The following ACVR2A variants were observed in gnomAD, a reference collection of about 807,000 sequenced individuals.
ACVR2A encodes the protein activin A receptor type 2A.
In ACVR2A, 7 loss-of-function variants were observed where a neutral mutation model predicts 61.4. That is an observed-to-expected ratio of 0.11 (90% CI 0.06 to 0.21). The LOEUF (loss-of-function observed/expected upper bound fraction) is 0.21. Ranked by LOEUF, ACVR2A falls within the 10% of genes least tolerant of loss-of-function variation. ACVR2A has a pLI of 1.00. For missense variants in ACVR2A, 322 were observed against 621.7 expected (o/e 0.52, Z 5.13); for synonymous variants, 193 against 208.3 (o/e 0.93, Z 0.63).
chr2:147,910,742 C>G (rs1479935782), intron 4 of ACVR2A, among the ~76,000 whole-genome samples: 1 of 152,022 alleles, frequency 6.6e-6, no homozygotes, highest in Non-Finnish European at 1.5e-5. Flanking sequence ...AATGAAAATC[C>G]TGTTCTCTAT....
intron 1 of ACVR2A, 141 bp downstream of exon 1, chr2:147,845,348 G>GCCCCC (rs557975990): frequency 4.0e-4 from 108 of 271,982 alleles, no homozygotes; most frequent in African/African-American, 6.7e-4. Context: ...GGCTGCCACC[G>GCCCCC]CCCCCCCCCC....
At chr2:147,856,612 A>G (rs896909783) in intron 1 of ACVR2A, among the ~76,000 whole-genome samples, 1 of 152,180 alleles carries the variant, frequency 6.6e-6, no homozygotes, top group Non-Finnish European at 1.5e-5. Flanking sequence ...TGAACTTGTA[A>G]TAATTACTAA....
chr2:147,896,780 C>A, intron 2 of ACVR2A: 3 of 272,674 alleles, frequency 1.1e-5, no homozygotes, highest in Non-Finnish European at 2.1e-5. Context: ...AATATTGTTA[C>A]GATTATAAAC....
intron 1 of ACVR2A, among the ~76,000 whole-genome samples, chr2:147,870,391 G>C (rs1392008418): frequency 6.6e-6 from 1 of 151,924 alleles, no homozygotes; most frequent in African/African-American, 2.4e-5. Flanking sequence ...TAGTCTTTGG[G>C]TGAAGTATAC....
intron 5 of ACVR2A, among the ~76,000 whole-genome samples, chr2:147,917,072 C>T (rs1477989629): frequency 3.3e-5 from 5 of 151,848 alleles, no homozygotes; most frequent in East Asian, 1.9e-4. Context: ...CAGAAAAGTA[C>T]GTTTTGAGGG....
intron 1 of ACVR2A, among the ~76,000 whole-genome samples, chr2:147,850,177 C>G (rs1685409609): frequency 6.6e-6 from 1 of 152,080 alleles, no homozygotes. Flanking sequence ...CCTTCTTTGT[C>G]TACTCCCTTT....
chr2:147,911,141 T>G (rs1573702350), intron 4 of ACVR2A, among the ~76,000 whole-genome samples: 1 of 152,106 alleles, frequency 6.6e-6, no homozygotes, highest in Non-Finnish European at 1.5e-5. Flanking sequence ...TGCCCTCTAG[T>G]GTCGAGAAGG....
intron 1 of ACVR2A, among the ~76,000 whole-genome samples, chr2:147,874,294 A>C (rs985855696): frequency 6.6e-6 from 1 of 151,930 alleles, no homozygotes; most frequent in South Asian, 2.1e-4. Flanking sequence ...AGAAACACCT[A>C]CTTCATAGAA....
At chr2:147,921,286 C>T (rs1366656763) in intron 8 of ACVR2A, among the ~76,000 whole-genome samples, 3 of 152,084 alleles carry the variant, frequency 2.0e-5, no homozygotes, top group Non-Finnish European at 4.4e-5. Flanking sequence ...CCTCCCACCT[C>T]GGCCTCCCAA....
intron 4 of ACVR2A, among the ~76,000 whole-genome samples, chr2:147,906,471 G>A (rs1024675103): frequency 2.0e-5 from 3 of 152,130 alleles, no homozygotes; most frequent in Non-Finnish European, 1.5e-5. Flanking sequence ...AGTGTAAGAA[G>A]TGAGTTGCTT....
chr2:147,868,962 A>G (rs1685944515), intron 1 of ACVR2A, among the ~76,000 whole-genome samples: 2 of 151,902 alleles, frequency 1.3e-5, no homozygotes, highest in Non-Finnish European at 1.5e-5. Flanking sequence ...CTTCCTAAAG[A>G]TAAGATGTTT....
At chr2:147,902,208 AAGCT>A (rs1686886657) in intron 4 of ACVR2A, among the ~76,000 whole-genome samples, 1 of 152,102 alleles carries the variant, frequency 6.6e-6, no homozygotes, top group Admixed American at 6.6e-5. Flanking sequence ...TGTTTTTAAT[AAGCT>A]TCCCAGGCGA....
intron 1 of ACVR2A, among the ~76,000 whole-genome samples, chr2:147,853,865 TATTTCA>T (rs1330971632): frequency 6.6e-6 from 1 of 152,106 alleles, no homozygotes; most frequent in Admixed American, 6.5e-5. Context: ...TCCAAGGCAT[TATTTCA>T]AGAGGAAGGG....
chr2:147,855,320 T>G (rs936419935), intron 1 of ACVR2A, among the ~76,000 whole-genome samples: 5 of 152,196 alleles, frequency 3.3e-5, no homozygotes, highest in African/African-American at 9.7e-5. Flanking sequence ...ACTAGCTGCC[T>G]GAAGCAATGA....
chr2:147,896,708 T>G, intron 2 of ACVR2A, 200 bp downstream of exon 2: 1 of 525,686 alleles, frequency 1.9e-6, no homozygotes, highest in East Asian at 3.2e-5. Flanking sequence ...ATGTTTTATC[T>G]TTGATATATT....
At chr2:147,894,235 C>G (rs2105187731) in intron 1 of ACVR2A, among the ~76,000 whole-genome samples, 1 of 152,156 alleles carries the variant, frequency 6.6e-6, no homozygotes. Flanking sequence ...ATGTTTCTGT[C>G]TTTTCACTAT....
chr2:147,906,871 A>T (rs1012090394), intron 4 of ACVR2A, among the ~76,000 whole-genome samples: 4 of 146,216 alleles, frequency 2.7e-5, no homozygotes, highest in African/African-American at 1.0e-4. Flanking sequence ...TGTGCAGAAC[A>T]TGCAGGTTTG....
intron 7 of ACVR2A, among the ~76,000 whole-genome samples, chr2:147,918,798 A>G (rs1261204903): frequency 1.3e-5 from 2 of 152,072 alleles, no homozygotes; most frequent in Non-Finnish European, 2.9e-5. Flanking sequence ...GTAAAGTTTA[A>G]TGATCTACTT....
At chr2:147,912,494 G>A (rs1209242158) in intron 4 of ACVR2A, among the ~76,000 whole-genome samples, 1 of 151,860 alleles carries the variant, frequency 6.6e-6, no homozygotes, top group African/African-American at 2.4e-5. Context: ...ATCAGAAATT[G>A]CTTGTCATTT....
Sources: gnomAD v4.1 joint callset for allele counts (sites outside exome capture counted in the v4.1 genomes callset) on GRCh38, gnomAD v4.1.1 for gene constraint, MANE v1.5 for transcripts, NCBI Gene and HGNC (gene_info 2026-07-23, HGNC 2026-07-21) for gene names.